KCNQ5: variants seen among roughly 807,000 people sequenced by gnomAD.
KCNQ5 encodes the protein potassium voltage-gated channel subfamily KQT member 5.
A neutral mutation model predicts 98.2 loss-of-function variants in KCNQ5; 30 were observed. The observed-to-expected ratio is 0.31, with a 90% confidence interval of 0.23 to 0.41. KCNQ5 has a LOEUF of 0.41. KCNQ5 is among the 10% of genes least tolerant of loss of function. KCNQ5 has a pLI of 1.00. For missense variants in KCNQ5, 835 were observed against 1,182.5 expected, an observed-to-expected ratio of 0.71 and a Z score of 4.31; for synonymous variants, 458 against 449.4, an observed-to-expected ratio of 1.02 and a Z score of -0.24.
chr6:72,926,095 A>G (rs1765406570), intron 1 of KCNQ5, among the ~76,000 whole-genome samples: 1 of 152,158 alleles, frequency 6.6e-6, no homozygotes, highest in Non-Finnish European at 1.5e-5. Flanking sequence ...GTTCTCCTCA[A>G]CTGTCAAGAG....
chr6:73,145,331 G>A (rs946851880), intron 10 of KCNQ5, among the ~76,000 whole-genome samples: 6 of 152,104 alleles, frequency 3.9e-5, no homozygotes, highest in African/African-American at 1.4e-4. Context: ...CCAAAACTGG[G>A]GTTTGAAGTT....
chr6:73,003,210 AT>A (rs1769666810), intron 1 of KCNQ5, among the ~76,000 whole-genome samples: 1 of 152,178 alleles, frequency 6.6e-6, no homozygotes, highest in Non-Finnish European at 1.5e-5. Context: ...CTGTAGATTA[AT>A]TGGTAGACAA....
chr6:73,142,488 T>A (rs1349298314), intron 10 of KCNQ5, among the ~76,000 whole-genome samples: 1 of 149,578 alleles, frequency 6.7e-6, no homozygotes, highest in Non-Finnish European at 1.5e-5. Flanking sequence ...GTATCCTTTG[T>A]ATTATATCTC....
At chr6:72,811,358 A>G (rs1204485262) in intron 1 of KCNQ5, among the ~76,000 whole-genome samples, 1 of 152,190 alleles carries the variant, frequency 6.6e-6, no homozygotes, top group African/African-American at 2.4e-5. Context: ...ATAAATTCTG[A>G]ATTCTAGAGA....
intron 1 of KCNQ5, among the ~76,000 whole-genome samples, chr6:72,872,837 C>CA (rs1212628197): frequency 1.3e-5 from 2 of 152,026 alleles, no homozygotes; most frequent in Admixed American, 6.6e-5. Context: ...TACTGTCAAC[C>CA]AAAAAACCTT....
chr6:72,775,802 C>T (rs1773133519), intron 1 of KCNQ5, among the ~76,000 whole-genome samples: 1 of 152,136 alleles, frequency 6.6e-6, no homozygotes, highest in Non-Finnish European at 1.5e-5. Context: ...CAAAATAGCT[C>T]ATCTGTACTC....
rs559076231 is a variant in KCNQ5 at position 72,682,215 on chromosome 6, C to CA, written c.398+59634dup. ...ACAGTATTAAAAAAACAAAACAAAA[C>CA]AAAAAACGCTCTATATTGTTTTTAG... On this transcript the variant is annotated intron_variant, in intron 1 of 13. Transcript: ENST00000370398. 6.8e-4 allele frequency among the ~76,000 whole-genome samples: 103 copies of CA among 152,186 alleles called. 1 individual carries two copies. Among genetic ancestry groups the CA allele is most frequent in the African/African-American group, 2.4e-3 (98 of 41,542 alleles).
intron 1 of KCNQ5, among the ~76,000 whole-genome samples, chr6:72,754,277 G>A (rs1214189768): frequency 6.6e-6 from 1 of 152,038 alleles, no homozygotes; most frequent in Non-Finnish European, 1.5e-5. Flanking sequence ...CTATTGACAT[G>A]TTGATTTTTA....
In KCNQ5 at chr6:73,031,803, G is replaced by T. The variant is rs146526229; in HGVS notation, c.490-10133G>T. Among the ~76,000 whole-genome samples, 563 of 152,324 alleles carry T rather than the reference G, an allele frequency of 3.7e-3. 1 individual carries two copies. The highest frequency in any genetic ancestry group is 0.014 in the Middle Eastern group (4 of 292). On this transcript the variant is annotated intron_variant, in intron 2 of 13. Transcript: ENST00000370398. ...ATCTAGAAATGAAGTCAACATTGCA[G>T]AGAAGTTAGCTATATGAAACTCTGT...
intron 1 of KCNQ5, among the ~76,000 whole-genome samples, chr6:72,644,234 A>G (rs1765473714): frequency 6.6e-6 from 1 of 152,208 alleles, no homozygotes; most frequent in Non-Finnish European, 1.5e-5. Flanking sequence ...ATGGATCAAT[A>G]CATAACCTTA....
chr6:72,819,526 C>T (rs1266947674), intron 1 of KCNQ5, among the ~76,000 whole-genome samples: 1 of 152,076 alleles, frequency 6.6e-6, no homozygotes, highest in Non-Finnish European at 1.5e-5. Flanking sequence ...GTGTTTCTTC[C>T]AAGAGTATTC....
At chr6:73,093,053 G>A (rs1330636374) in intron 5 of KCNQ5, among the ~76,000 whole-genome samples, 3 of 151,920 alleles carry the variant, frequency 2.0e-5, no homozygotes, top group Non-Finnish European at 4.4e-5. Flanking sequence ...TTTTTTGTTG[G>A]TAATTTTTTA....
intron 1 of KCNQ5, among the ~76,000 whole-genome samples, chr6:72,668,812 C>T (rs1766953651): frequency 6.7e-6 from 1 of 149,196 alleles, no homozygotes; most frequent in African/African-American, 2.4e-5. Flanking sequence ...AGGGCCTCCT[C>T]AGTAACCACA....
intron 1 of KCNQ5, among the ~76,000 whole-genome samples, chr6:72,929,641 A>G (rs1162621539): frequency 2.6e-5 from 4 of 152,172 alleles, no homozygotes; most frequent in Non-Finnish European, 5.9e-5. Context: ...TACATAAAGT[A>G]CAATGGAGTA....
intron 5 of KCNQ5, among the ~76,000 whole-genome samples, chr6:73,089,253 C>T (rs1357070641): frequency 1.3e-5 from 2 of 152,128 alleles, no homozygotes; most frequent in Non-Finnish European, 2.9e-5. Flanking sequence ...TATACAATAT[C>T]ATTTCAGGTA....
chr6:72,644,921 G>C (rs1281965452), intron 1 of KCNQ5, among the ~76,000 whole-genome samples: 1 of 152,126 alleles, frequency 6.6e-6, no homozygotes, highest in East Asian at 1.9e-4. Flanking sequence ...GGAAAAGTTG[G>C]TCTACATAAT....
chr6:72,800,156 G>A lies in KCNQ5; in HGVS notation c.398+177569G>A, dbSNP rs142831585. The stretch of plus-strand genomic sequence containing the variant: ...TCTGAGTTACAATTTGAATTTCAAA[G>A]GTAATGCCACACACTTTTTATTGAT... On this transcript the variant is annotated intron_variant, in intron 1 of 13. Transcript: ENST00000370398. Among the ~76,000 whole-genome samples the A allele has an allele frequency of 2.2e-3, 329 of 152,192 alleles. 1 individual carries two copies. The highest frequency in any genetic ancestry group is 7.2e-3 in the African/African-American group (300 of 41,546).
rs371712894 is a variant in KCNQ5 at position 72,969,709 on chromosome 6, T to C, written c.399-34199T>C. On this transcript the variant is annotated intron_variant, in intron 1 of 13. Coordinates refer to ENST00000370398, the MANE Select transcript of KCNQ5 (RefSeq NM_019842.4). ...ATTCTCAAACATCAGACCTTAAAGG[T>C]CAAAGAAAATCCCTGTGTTGAATTC... Among the ~76,000 whole-genome samples the C allele has an allele frequency of 9.7e-4, 147 of 152,286 alleles. 1 individual carries two copies. The South Asian group carries it at 0.025, about 26-fold the overall frequency.
In KCNQ5 at chr6:73,169,519, A is replaced by T. The variant is rs1205995201; in HGVS notation, c.1469-227A>T. On this transcript the variant is annotated intron_variant, in intron 10 of 13. Coordinates refer to ENST00000370398, the MANE Select transcript of KCNQ5 (RefSeq NM_019842.4). ...GGAAAGATAATGTGTCGATAGCTTCATCTTGCCCGTAGAAAACAGTTCAGA... is the reference window on the plus strand; with the variant it reads ...GGAAAGATAATGTGTCGATAGCTTCTTCTTGCCCGTAGAAAACAGTTCAGA... 1.1e-4 allele frequency among the ~76,000 whole-genome samples: 16 copies of T among 152,368 alleles called. No homozygotes were observed. In the East Asian group the frequency reaches 3.1e-3, roughly 29 times the overall value.
Sources: gnomAD v4.1 joint callset for allele counts (sites outside exome capture counted in the v4.1 genomes callset) on GRCh38, gnomAD v4.1.1 for gene constraint, MANE v1.5 for transcripts, NCBI Gene and HGNC (gene_info 2026-07-23, HGNC 2026-07-21) for gene names.